Variants in WBP1L observed in about 807,000 individuals in gnomAD.
WBP1L encodes the protein WW domain binding protein 1-like.
WBP1L carries 17 observed loss-of-function variants against 33.7 expected under a neutral mutation model. That is an observed-to-expected ratio of 0.50 (90% confidence interval 0.34 to 0.76). The LOEUF (loss-of-function observed/expected upper bound fraction) is 0.76. WBP1L is among the 30% of genes least tolerant of loss of function. The probability of loss-of-function intolerance (pLI) is 0.01; values close to 1 mark genes in which losing one functional copy is unlikely to be tolerated. For synonymous variants in WBP1L, 173 were observed against 190.8 expected (o/e 0.91, Z 0.77); for missense variants, 389 against 469.4 (o/e 0.83, Z 1.58).
intron 1 of WBP1L, among the ~76,000 whole-genome samples, chr10:102,758,847 C>T (rs1047088501): frequency 1.4e-4 from 22 of 152,176 alleles, no homozygotes; most frequent in African/African-American, 5.3e-4. Flanking sequence ...GGGGCCCTTC[C>T]TTTTAGGTAG....
intron 2 of WBP1L, among the ~76,000 whole-genome samples, chr10:102,806,046 C>CAAA (rs35914806): frequency 1.3e-4 from 18 of 136,842 alleles, no homozygotes; most frequent in South Asian, 7.0e-4. Context: ...ACTAAAAATA[C>CAAA]AAAAAAAAAA....
At chr10:102,779,680 T>C (rs777589694) in intron 1 of WBP1L, among the ~76,000 whole-genome samples, 1 of 130,524 alleles carries the variant, frequency 7.7e-6, no homozygotes, top group Non-Finnish European at 1.8e-5. Context: ...GTGTTTCTGA[T>C]CCCGGTTGTT....
At chr10:102,761,400 A>G (rs1197568539) in intron 1 of WBP1L, among the ~76,000 whole-genome samples, 1 of 151,366 alleles carries the variant, frequency 6.6e-6, no homozygotes. Context: ...TCGGCCTCCC[A>G]AAGTGCTGGG....
chr10:102,784,054 A>AT (rs545244460), intron 1 of WBP1L, among the ~76,000 whole-genome samples: 186 of 152,246 alleles, frequency 1.2e-3, no homozygotes, highest in Non-Finnish European at 5.1e-4. Context: ...GTACAGAGTC[A>AT]TTTTTTGTGG....
rs35674135 is a variant in WBP1L at position 102,802,113 on chromosome 10, CTCCTTCCT to C, written c.193+4043_193+4050del. On this transcript the variant is annotated intron_variant, in intron 2 of 3. Coordinates refer to ENST00000448841, the MANE Select transcript of WBP1L (RefSeq NM_001083913.2). ...CCCTTCCCCCTCCTCCTTCCACCTTCTCCTTCCTTCCTTCCTTCCTTCCTTCCTTCCTC... is the reference window on the plus strand; with the variant it reads ...CCCTTCCCCCTCCTCCTTCCACCTTCTCCTTCCTTCCTTCCTTCCTTCCTC... 4.3e-4 allele frequency among the ~76,000 whole-genome samples: 29 copies of C among 67,970 alleles called. 1 individual carries two copies. The highest frequency in any genetic ancestry group is 2.1e-3 in the Admixed American group (12 of 5,768). 44.6% of individuals were successfully genotyped at this position (67,970 alleles called of 152,430 possible).
chr10:102,768,364 G>GT (rs1436727549), intron 1 of WBP1L, among the ~76,000 whole-genome samples: 2 of 44,560 alleles, frequency 4.5e-5, no homozygotes, highest in Non-Finnish European at 7.9e-5. Context: ...CCTGGCATTA[G>GT]TTTTTTGTTT....
intron 1 of WBP1L, among the ~76,000 whole-genome samples, chr10:102,781,241 G>T (rs931300331): frequency 6.6e-6 from 1 of 152,224 alleles, no homozygotes; most frequent in African/African-American, 2.4e-5. Flanking sequence ...GCCAGCTAAA[G>T]CTGCAGGGTG....
At chr10:102,757,980 G>A (rs1842998063) in intron 1 of WBP1L, among the ~76,000 whole-genome samples, 1 of 139,274 alleles carries the variant, frequency 7.2e-6, no homozygotes, top group Admixed American at 7.8e-5. Context: ...CCGCTTCCCA[G>A]GTTCAGGCAA....
At chr10:102,783,508 G>T (rs1259812708) in intron 1 of WBP1L, among the ~76,000 whole-genome samples, 2 of 152,184 alleles carry the variant, frequency 1.3e-5, no homozygotes, top group African/African-American at 4.8e-5. Flanking sequence ...AATTTAGAGC[G>T]GGGTGGTGGC....
At chr10:102,800,676 G>T (rs961794004) in intron 2 of WBP1L, among the ~76,000 whole-genome samples, 1 of 152,190 alleles carries the variant, frequency 6.6e-6, no homozygotes, top group Non-Finnish European at 1.5e-5. Flanking sequence ...GAAGTCCTCC[G>T]ATCTCCCTCT....
chr10:102,769,039 C>T (rs1040444349), intron 1 of WBP1L, among the ~76,000 whole-genome samples: 1 of 152,110 alleles, frequency 6.6e-6, no homozygotes. Context: ...GGCTAGAGTG[C>T]AGTGGTATAA....
At chr10:102,808,600 G>C (rs1306091093) in intron 2 of WBP1L, among the ~76,000 whole-genome samples, 1 of 152,254 alleles carries the variant, frequency 6.6e-6, no homozygotes, top group Admixed American at 6.5e-5. Context: ...AGAGTTGATT[G>C]TGGCAGTGGG....
intron 1 of WBP1L, among the ~76,000 whole-genome samples, chr10:102,777,276 C>A (rs925069420): frequency 6.6e-6 from 1 of 152,098 alleles, no homozygotes. Flanking sequence ...GAGCACACAC[C>A]CTCTGCTGCC....
At chr10:102,760,374 TTC>T (rs1205565907) in intron 1 of WBP1L, among the ~76,000 whole-genome samples, 2,289 of 81,898 alleles carry the variant, frequency 0.028, 82 homozygotes, top group African/African-American at 0.11. Context: ...CTTTCTTTCT[TTC>T]TTTTTTTTTT....
At chr10:102,787,400 A>T (rs1340421102) in intron 1 of WBP1L, among the ~76,000 whole-genome samples, 1 of 152,054 alleles carries the variant, frequency 6.6e-6, no homozygotes, top group Non-Finnish European at 1.5e-5. Flanking sequence ...CAGCCTGAGC[A>T]ACGTAGTGAG....
intron 1 of WBP1L, among the ~76,000 whole-genome samples, chr10:102,792,339 A>G (rs376014514): frequency 9.8e-5 from 15 of 152,348 alleles, no homozygotes; most frequent in African/African-American, 3.4e-4. Context: ...GACAAGTTGT[A>G]CATTTCTAGC....
At position 102,813,638 on chromosome 10, in the gene WBP1L, T is replaced by C; in HGVS notation, c.*307T>C. ...CACCTACCTGTTTGGGTCAGAGAGA[T>C]GTGTTTTAAAAGCCCCCAAGGAAGG... On this transcript the variant is annotated 3_prime_UTR_variant, in exon 4 of 4. Transcript: ENST00000448841. 4.9e-6 allele frequency: 2 copies of C among 406,352 alleles called. No homozygotes were observed. The highest frequency in any genetic ancestry group is 8.8e-6 in the Non-Finnish European group (2 of 226,194). 25.2% of individuals were successfully genotyped at this position (406,352 alleles called of 1,614,324 possible). A position where few individuals can be genotyped will look rare whatever the true frequency, so the allele number is the denominator to read the frequency against.
chr10:102,744,233 G>A, intron 1 of WBP1L, 90 bp downstream of exon 1: 2 of 1,375,662 alleles, frequency 1.5e-6, no homozygotes, highest in Non-Finnish European at 1.9e-6. Context: ...GTTGCCAAGA[G>A]TTGAGGGGTC....
At chr10:102,745,370 A>C (rs892330086) in intron 1 of WBP1L, among the ~76,000 whole-genome samples, 4 of 152,194 alleles carry the variant, frequency 2.6e-5, no homozygotes, top group African/African-American at 9.7e-5. Context: ...GTACACTTAC[A>C]ATGTTGTGCA....
Sources: gnomAD v4.1 joint callset for allele counts (sites outside exome capture counted in the v4.1 genomes callset) on GRCh38, gnomAD v4.1.1 for gene constraint, MANE v1.5 for transcripts, NCBI Gene and HGNC (gene_info 2026-07-23, HGNC 2026-07-21) for gene names.